The following PTPRN2 variants were observed in gnomAD, a reference collection of about 807,000 sequenced individuals.
PTPRN2 encodes the protein receptor-type tyrosine-protein phosphatase N2.
A neutral mutation model predicts 118.8 loss-of-function variants in PTPRN2; 74 were observed. That is an observed-to-expected ratio of 0.62 (90% CI 0.52 to 0.76). PTPRN2 has a LOEUF of 0.76. PTPRN2 is among the 30% of genes least tolerant of loss of function. The pLI, the probability that PTPRN2 is intolerant of heterozygous loss-of-function variation, is 0.00. For missense variants in PTPRN2, 1,481 were observed against 1,394.4 expected, an observed-to-expected ratio of 1.06 and a Z score of -0.99; for synonymous variants, 641 against 608.0, an observed-to-expected ratio of 1.05 and a Z score of -0.80.
At chr7:158,067,427 A>G (rs1296322380) in intron 11 of PTPRN2, among the ~76,000 whole-genome samples, 1 of 152,130 alleles carries the variant, frequency 6.6e-6, no homozygotes, top group Admixed American at 6.5e-5. Flanking sequence ...CTCCAGTGCC[A>G]TTGAGGTCCC....
intron 14 of PTPRN2, among the ~76,000 whole-genome samples, chr7:157,635,255 T>C (rs969848917): frequency 6.6e-6 from 1 of 152,226 alleles, no homozygotes; most frequent in African/African-American, 2.4e-5. Flanking sequence ...TCAGTAACCA[T>C]GTGTTGGATG....
chr7:157,918,518 C>A (rs939979931), intron 11 of PTPRN2, among the ~76,000 whole-genome samples: 2 of 152,150 alleles, frequency 1.3e-5, no homozygotes, highest in African/African-American at 4.8e-5. Context: ...AGGACAGGTG[C>A]CTTCACTCGC....
At chr7:157,665,727 A>T (rs2366650) in intron 13 of PTPRN2, among the ~76,000 whole-genome samples, 58,368 of 152,090 alleles carry the variant, frequency 0.38, 12,263 homozygotes, top group Non-Finnish European at 0.49. Context: ...AAGACTTGGA[A>T]CCAACCCAAA....
chr7:158,285,296 GAGA>G (rs879858378), intron 3 of PTPRN2, among the ~76,000 whole-genome samples: 2 of 152,174 alleles, frequency 1.3e-5, no homozygotes, highest in Admixed American at 6.5e-5. Context: ...GTAGGGACAG[GAGA>G]AGGTGCCAGG....
At chr7:158,257,071 G>A (rs890003324) in intron 3 of PTPRN2, among the ~76,000 whole-genome samples, 3 of 152,278 alleles carry the variant, frequency 2.0e-5, no homozygotes, top group Middle Eastern at 3.4e-3. Context: ...TCAGATCCCT[G>A]CTTTCCCTGG....
chr7:158,366,070 T>G (rs1430461496), intron 2 of PTPRN2, among the ~76,000 whole-genome samples: 1 of 129,594 alleles, frequency 7.7e-6, no homozygotes, highest in Non-Finnish European at 1.6e-5. Flanking sequence ...AATGCACGCG[T>G]GCACACACAC....
chr7:158,556,003 G>A (rs2129450511), intron 1 of PTPRN2, among the ~76,000 whole-genome samples: 1 of 152,296 alleles, frequency 6.6e-6, no homozygotes, highest in Admixed American at 6.5e-5. Context: ...TTCTTTACTA[G>A]ATCAACAGAT....
chr7:157,614,938 G>T (rs1802658737), intron 15 of PTPRN2, among the ~76,000 whole-genome samples: 1 of 152,208 alleles, frequency 6.6e-6, no homozygotes, highest in Admixed American at 6.5e-5. Flanking sequence ...TGGGCAGATG[G>T]GCACAGCTGG....
At chr7:157,993,365 G>A (rs554206637) in intron 11 of PTPRN2, among the ~76,000 whole-genome samples, 1 of 150,778 alleles carries the variant, frequency 6.6e-6, no homozygotes, top group South Asian at 2.1e-4. Context: ...CTGAGCCTCC[G>A]CAAAAAAAGA....
chr7:157,946,246 C>T (rs1800480370), intron 11 of PTPRN2, among the ~76,000 whole-genome samples: 1 of 151,814 alleles, frequency 6.6e-6, no homozygotes, highest in African/African-American at 2.4e-5. Flanking sequence ...GCCCATGCCT[C>T]ATGGGAGTTT....
At chr7:158,075,043 TCTGCG>T (rs1300052906) in intron 11 of PTPRN2, among the ~76,000 whole-genome samples, 1 of 149,364 alleles carries the variant, frequency 6.7e-6, no homozygotes, top group Non-Finnish European at 1.5e-5. Context: ...CGTTGTGTTG[TCTGCG>T]CTCAGGGTAA....
At chr7:158,076,513 G>A (rs1427452395) in intron 11 of PTPRN2, among the ~76,000 whole-genome samples, 1 of 152,248 alleles carries the variant, frequency 6.6e-6, no homozygotes, top group African/African-American at 2.4e-5. Flanking sequence ...CACCTCAGCG[G>A]AGCTGATTCC....
chr7:158,274,747 A>C (rs926191628), intron 3 of PTPRN2, among the ~76,000 whole-genome samples: 2 of 152,182 alleles, frequency 1.3e-5, no homozygotes, highest in African/African-American at 4.8e-5. Context: ...GAGTCACCCC[A>C]TGACCAGGAA....
At chr7:158,131,562 C>G (rs1009712298) in intron 9 of PTPRN2, among the ~76,000 whole-genome samples, 2 of 151,296 alleles carry the variant, frequency 1.3e-5, no homozygotes, top group Non-Finnish European at 2.9e-5. Flanking sequence ...AACTGATACA[C>G]AGCTACCCGA....
At chr7:158,274,557 A>C (rs898351960) in intron 3 of PTPRN2, among the ~76,000 whole-genome samples, 1 of 149,018 alleles carries the variant, frequency 6.7e-6, no homozygotes, top group Non-Finnish European at 1.5e-5. Context: ...ACACCCTCAC[A>C]CTCCGGGATC....
intron 2 of PTPRN2, among the ~76,000 whole-genome samples, chr7:158,361,754 G>C (rs1163410018): frequency 6.6e-6 from 1 of 152,086 alleles, no homozygotes; most frequent in Non-Finnish European, 1.5e-5. Flanking sequence ...ACCAACAAGG[G>C]CCCCAGGAAG....
At chr7:157,774,398 T>C (rs1395581733) in intron 12 of PTPRN2, among the ~76,000 whole-genome samples, 4 of 152,194 alleles carry the variant, frequency 2.6e-5, no homozygotes, top group African/African-American at 9.7e-5. Flanking sequence ...ATCATGCCTG[T>C]CAAGCCTGGT....
At chr7:158,416,678 CA>C (rs1814680459) in intron 2 of PTPRN2, among the ~76,000 whole-genome samples, 2 of 152,150 alleles carry the variant, frequency 1.3e-5, no homozygotes, top group African/African-American at 2.4e-5. Flanking sequence ...AAAGAAAGGC[CA>C]GGGGGCAGGA....
intron 1 of PTPRN2, among the ~76,000 whole-genome samples, chr7:158,561,396 C>T (rs753450911): frequency 1.8e-4 from 27 of 152,170 alleles, no homozygotes; most frequent in Non-Finnish European, 3.2e-4. Context: ...AGGAAAATGC[C>T]GCTTCTGCAG....
Sources: gnomAD v4.1 joint callset for allele counts (sites outside exome capture counted in the v4.1 genomes callset) on GRCh38, gnomAD v4.1.1 for gene constraint, MANE v1.5 for transcripts, NCBI Gene and HGNC (gene_info 2026-07-23, HGNC 2026-07-21) for gene names.